Variants in ZNF483 observed in about 807,000 individuals in gnomAD.
The protein encoded by ZNF483 is zinc finger protein HIT-10.
In ZNF483, 9 loss-of-function variants were observed where a neutral mutation model predicts 28.6. That is an observed-to-expected ratio of 0.32 (90% CI 0.19 to 0.55). The LOEUF is 0.55. Ranked by LOEUF, ZNF483 falls within the 20% of genes least tolerant of loss-of-function variation. ZNF483 has a pLI of 0.93. For missense variants in ZNF483, 675 were observed against 871.7 expected (o/e 0.77, Z 2.84); for synonymous variants, 322 against 306.2 (o/e 1.05, Z -0.54).
chr9:111,561,902 T>G (rs1354008606), intron 5 of ZNF483, among the ~76,000 whole-genome samples: 1 of 150,162 alleles, frequency 6.7e-6, no homozygotes. Context: ...TGTTTTTTTC[T>G]GAGATGGAGT....
Position 111,541,777 on chromosome 9 carries a change from C to G in ZNF483, c.842C>G (p.Ser281Ter). ...GAGGATCACGGTAATCAGGGAAATTCAAAAGGAAGAGTCGCACAAAACAAA... is the reference window on the plus strand; with the variant it reads ...GAGGATCACGGTAATCAGGGAAATTGAAAAGGAAGAGTCGCACAAAACAAA... ...SEEDHGNQGN[S>*]KGRVAQNKTL... The change falls in exon 6 of 6, where the codon TCA (serine) becomes TGA (stop). Residue 281 changes from serine to a stop codon, truncating the protein, a stop_gained. Transcript: ENST00000309235. LOFTEE classifies it low-confidence loss of function (END_TRUNC). The G allele has an allele frequency of 6.2e-7, 1 of 1,614,094 alleles. No individual in the cohort carries two copies. The highest frequency in any genetic ancestry group is 8.5e-7 in the Non-Finnish European group (1 of 1,180,024).
intron 1 of ZNF483, 52 bp downstream of exon 1, chr9:111,525,314 T>TTC: frequency 6.6e-6 from 1 of 152,240 alleles, no homozygotes; most frequent in African/African-American, 2.4e-5. Flanking sequence ...GGTCGCCGGC[T>TTC]CCGAGGGCGC....
rs151251306 is a variant in ZNF483, at chr9:111,530,938, C to T, written c.476C>T (p.Thr159Ile). The change falls in exon 3 of 6, where the codon ACT (threonine) becomes ATT (isoleucine). Residue 159 changes from threonine to isoleucine, a missense_variant. Around this residue, in one of 6 missense-constraint regions of ZNF483, gnomAD observed 525 missense variants for 581.8 expected, o/e 0.90. Coordinates refer to ENST00000309235, the MANE Select transcript of ZNF483 (RefSeq NM_133464.5). Reference sequence around the variant, plus strand: ...AACTCAAAAGAGGATAAAATGGTCACTGTTTGTCCCAATACTGAGTCCTGT... The same window carrying T: ...AACTCAAAAGAGGATAAAATGGTCATTGTTTGTCCCAATACTGAGTCCTGT... ...EENSKEDKMV[T>I]VCPNTESCES... The T allele has an allele frequency of 3.2e-6, 5 of 1,556,008 alleles. No individual in the cohort carries two copies. Among genetic ancestry groups the T allele is most frequent in the Non-Finnish European group, 4.4e-6 (5 of 1,141,526 alleles).
At chr9:111,569,585 G>A (rs747532398) in intron 5 of ZNF483, among the ~76,000 whole-genome samples, 1 of 152,130 alleles carries the variant, frequency 6.6e-6, no homozygotes, top group Non-Finnish European at 1.5e-5. Flanking sequence ...CCAACATGAC[G>A]AAAACCTGTC....
chr9:111,543,108 G>A lies in ZNF483; in HGVS notation c.2173G>A (p.Glu725Lys), dbSNP rs1419441984. Residue 725 changes from glutamate (E) to lysine (K), a missense_variant, in exon 6 of 6, where the codon GAG (glutamate) becomes AAG (lysine). By Grantham distance (56) the Glu-to-Lys change is moderately conservative (BLOSUM62 1). Coordinates refer to ENST00000309235, the MANE Select transcript of ZNF483 (RefSeq NM_133464.5). Reference sequence around the variant, plus strand: ...GAGAGAATATGAATGTAACGAATGTGAGAAGACATTTAAAAGTAATTCAGG... The same window carrying A: ...GAGAGAATATGAATGTAACGAATGTAAGAAGACATTTAAAAGTAATTCAGG... ...GRREYECNEC[E>K]KTFKSNSGLI... is the part of the protein sequence containing the mutation. The A allele has an allele frequency of 1.9e-6, 3 of 1,613,890 alleles. No homozygotes were observed. The African/African-American group carries it at 4.0e-5, about 22-fold the overall frequency.
At chr9:111,575,326 C>G (rs1176286262) in intron 5 of ZNF483, 1 of 152,552 alleles carries the variant, frequency 6.6e-6, no homozygotes, top group Non-Finnish European at 1.5e-5. Context: ...AATAAATAAA[C>G]AGGCTTTTTC....
rs1424342433 is a variant in ZNF483 at position 111,552,077 on chromosome 9, A to G, written c.*8907A>G. Among the ~76,000 whole-genome samples the G allele has an allele frequency of 6.6e-6, 1 of 152,186 alleles. No homozygotes were observed. The highest frequency in any genetic ancestry group is 1.5e-5 in the Non-Finnish European group (1 of 68,030). ...AGTTTTTCCCATTTTAGGAGCTTCAAATTTAGCTTGTTCATATGCAGCGTG... is the reference window on the plus strand; with the variant it reads ...AGTTTTTCCCATTTTAGGAGCTTCAGATTTAGCTTGTTCATATGCAGCGTG... On this transcript the variant is annotated 3_prime_UTR_variant, in exon 6 of 6. Coordinates refer to ENST00000309235, the MANE Select transcript of ZNF483 (RefSeq NM_133464.5).
At chr9:111,527,939 C>G in intron 2 of ZNF483, 132 bp downstream of exon 2, 1 of 1,557,220 alleles carries the variant, frequency 6.4e-7, no homozygotes. Flanking sequence ...TTGAATCAGC[C>G]CTGCCATTTA....
chr9:111,576,877 G>A (rs1829080342), exon 6 of ZNF483: 1 of 152,764 alleles, frequency 6.5e-6, no homozygotes, highest in African/African-American at 2.4e-5. Context: ...GATCACCTGA[G>A]GTCAGGAGTT....
chr9:111,532,179 CAT>C (rs1171348059), intron 3 of ZNF483, among the ~76,000 whole-genome samples: 1 of 152,058 alleles, frequency 6.6e-6, no homozygotes, highest in Admixed American at 6.6e-5. Context: ...GGCATAGTCA[CAT>C]ACCTGTGGTC....
chr9:111,576,241 C>A (rs1589305783), intron 5 of ZNF483: 1 of 886,152 alleles, frequency 1.1e-6, no homozygotes, highest in Non-Finnish European at 1.7e-6. Flanking sequence ...AAAATATTTG[C>A]AAGCCATATA....
chr9:111,559,072 C>T (rs1419414814), downstream of ZNF483, among the ~76,000 whole-genome samples: 3 of 152,114 alleles, frequency 2.0e-5, no homozygotes, highest in Non-Finnish European at 4.4e-5. Context: ...TCTGCTCATG[C>T]TGGGCCATGC....
intron 5 of ZNF483, among the ~76,000 whole-genome samples, chr9:111,538,155 C>T (rs1370131288): frequency 6.6e-6 from 1 of 150,698 alleles, no homozygotes; most frequent in Non-Finnish European, 1.5e-5. Flanking sequence ...CTAGGCTACA[C>T]AGTTTGTCTG....
rs143792661 is a variant in ZNF483, at chr9:111,541,825, G to A, written c.890G>A (p.Gly297Asp). 323 of 1,613,996 alleles carry A rather than the reference G, an allele frequency of 2.0e-4. 1 individual carries two copies. Among genetic ancestry groups the A allele is most frequent in the Non-Finnish European group, 1.8e-4 (215 of 1,180,040 alleles). ...AAAACTCTTGGGAGTGGCAGTAGGG[G>A]TAAGAAATTTGACCCAGATAAAAGC... ...QNKTLGSGSRGKKFDPDKSPF... is the reference protein window; with the variant it reads ...QNKTLGSGSRDKKFDPDKSPF... Residue 297 changes from glycine to aspartate, a missense_variant, in exon 6 of 6, where the codon GGT becomes GAT. Physicochemically the swap from Gly to Asp is moderately conservative, Grantham distance 94 (BLOSUM62 -1). Coordinates refer to ENST00000309235, the MANE Select transcript of ZNF483 (RefSeq NM_133464.5).
chr9:111,566,125 C>A (rs1171909660), intron 5 of ZNF483, among the ~76,000 whole-genome samples: 2 of 152,110 alleles, frequency 1.3e-5, no homozygotes, highest in Admixed American at 6.6e-5. Flanking sequence ...ATCACTCGAA[C>A]CCAGGAAGTA....
In ZNF483 at chr9:111,543,574, T is replaced by G. The variant is rs1042110719; in HGVS notation, c.*404T>G. ...ACAAGTCATTTGACCTTTCAGAATTTTATTTTCGTCACCAGCAGAATGAAG... is the reference window on the plus strand; with the variant it reads ...ACAAGTCATTTGACCTTTCAGAATTGTATTTTCGTCACCAGCAGAATGAAG... On this transcript the variant is annotated 3_prime_UTR_variant, in exon 6 of 6. Coordinates refer to ENST00000309235, the MANE Select transcript of ZNF483 (RefSeq NM_133464.5). 1.3e-5 allele frequency: 13 copies of G among 990,300 alleles called. No homozygotes were observed. The highest frequency in any genetic ancestry group is 1.6e-5 in the Non-Finnish European group (13 of 833,408). The allele number at this position is 990,300 out of a possible 1,614,324, so 61.3% of individuals were successfully genotyped here.
chr9:111,536,780 A>G (rs1297309743), intron 5 of ZNF483, among the ~76,000 whole-genome samples: 2 of 151,664 alleles, frequency 1.3e-5, no homozygotes, highest in South Asian at 2.1e-4. Context: ...CTAATAGCCT[A>G]CTGTTGACCT....
chr9:111,528,719 A>G (rs960533333), intron 2 of ZNF483, among the ~76,000 whole-genome samples: 1 of 152,194 alleles, frequency 6.6e-6, no homozygotes, highest in Non-Finnish European at 1.5e-5. Flanking sequence ...ATTTACCTCC[A>G]TACACTTAAT....
intron 5 of ZNF483, among the ~76,000 whole-genome samples, chr9:111,565,752 TG>T (rs1235453950): frequency 6.6e-6 from 1 of 152,126 alleles, no homozygotes; most frequent in Non-Finnish European, 1.5e-5. Flanking sequence ...CTTGGACTCC[TG>T]GGCTCAAGCA....
Sources: allele counts gnomAD v4.1 joint callset (sites outside exome capture counted in the v4.1 genomes callset), GRCh38; gene constraint gnomAD v4.1.1; regional missense constraint gnomAD v4.1.1; transcripts MANE v1.5; gene names NCBI Gene and HGNC (gene_info 2026-07-23, HGNC 2026-07-21).